Variants in ZBBX observed in about 807,000 individuals in gnomAD.
ZBBX encodes zinc finger B-box domain-containing protein 1.
Under a neutral mutation model 108.5 loss-of-function variants are expected in ZBBX, and 101 were observed. The ratio of observed to expected loss-of-function variants is 0.93; its 90% CI spans 0.79 to 1.10. ZBBX has a LOEUF of 1.10. ZBBX is among the 50% of genes least tolerant of loss of function. The pLI is 0.00. For missense variants in ZBBX, 1,009 were observed against 941.4 expected (o/e 1.07, Z -0.94); for synonymous variants, 356 against 323.4 (o/e 1.10, Z -1.08).
chr3:167,271,471 T>A (rs1726509166), intron 20 of ZBBX, among the ~76,000 whole-genome samples: 1 of 151,992 alleles, frequency 6.6e-6, no homozygotes, highest in Non-Finnish European at 1.5e-5. Context: ...AAAAGAAAAA[T>A]TAATAAAAAT....
intron 9 of ZBBX, among the ~76,000 whole-genome samples, chr3:167,342,218 T>C (rs1388386319): frequency 6.6e-6 from 1 of 151,798 alleles, no homozygotes; most frequent in Non-Finnish European, 1.5e-5. Flanking sequence ...CAAACTACTG[T>C]AAAAATTTGT....
At chr3:167,371,581 G>A (rs1746161557) in intron 4 of ZBBX, among the ~76,000 whole-genome samples, 1 of 152,124 alleles carries the variant, frequency 6.6e-6, no homozygotes, top group African/African-American at 2.4e-5. Flanking sequence ...CTAGCACAGT[G>A]TATAGAAAAT....
intron 18 of ZBBX, among the ~76,000 whole-genome samples, chr3:167,290,208 G>A (rs6444212): frequency 0.43 from 65,529 of 151,974 alleles, 14,368 homozygotes; most frequent in African/African-American, 0.5. Context: ...CCAGCACAGC[G>A]TCTGAGCTCT....
intron 18 of ZBBX, among the ~76,000 whole-genome samples, chr3:167,289,278 C>T (rs1042863542): frequency 6.6e-6 from 1 of 152,102 alleles, no homozygotes; most frequent in Non-Finnish European, 1.5e-5. Flanking sequence ...ACACCAAGAT[C>T]TAGCTTTCAA....
At chr3:167,356,089 C>G (rs1348639175) in intron 8 of ZBBX, among the ~76,000 whole-genome samples, 2 of 152,032 alleles carry the variant, frequency 1.3e-5, no homozygotes, top group Non-Finnish European at 2.9e-5. Context: ...GAGTAGGAGT[C>G]ACAAAAAATA....
At chr3:167,370,915 T>C (rs1321075142) in intron 4 of ZBBX, among the ~76,000 whole-genome samples, 1 of 152,138 alleles carries the variant, frequency 6.6e-6, no homozygotes, top group African/African-American at 2.4e-5. Context: ...ATATGAAAAT[T>C]AGAAAATAAT....
At chr3:167,219,181 C>A in the ZBBX span, among the ~76,000 whole-genome samples, 1 of 151,864 alleles carries the variant, frequency 6.6e-6, no homozygotes, top group Non-Finnish European at 1.5e-5. Context: ...TACAATAATA[C>A]CTGGAGACTT....
intron 19 of ZBBX, among the ~76,000 whole-genome samples, chr3:167,284,707 C>T (rs1224740232): frequency 3.9e-5 from 6 of 152,072 alleles, no homozygotes; most frequent in Non-Finnish European, 5.9e-5. Flanking sequence ...ATGCTTAGCA[C>T]ACAGCAAAGA....
chr3:167,333,345 A>G (rs973967759), intron 10 of ZBBX, among the ~76,000 whole-genome samples: 24 of 152,158 alleles, frequency 1.6e-4, no homozygotes, highest in African/African-American at 5.5e-4. Flanking sequence ...TGAGTTGATA[A>G]AAGCTTATCT....
chr3:167,309,348 C>T (rs983151837), intron 16 of ZBBX, among the ~76,000 whole-genome samples: 7 of 152,176 alleles, frequency 4.6e-5, no homozygotes, highest in African/African-American at 1.7e-4. Flanking sequence ...CTAGGCAGTG[C>T]CCCAGTGGTT....
At chr3:167,274,651 C>T (rs1052230426) in intron 20 of ZBBX, among the ~76,000 whole-genome samples, 2 of 152,192 alleles carry the variant, frequency 1.3e-5, no homozygotes, top group African/African-American at 4.8e-5. Context: ...CCCTTCCCGT[C>T]AGTTCTAATC....
the ZBBX span, among the ~76,000 whole-genome samples, chr3:167,228,314 T>C: frequency 2.0e-5 from 3 of 151,692 alleles, no homozygotes; most frequent in Non-Finnish European, 4.4e-5. Flanking sequence ...CAAGCTGAGT[T>C]TTTCCACCGC....
intron 1 of ZBBX, among the ~76,000 whole-genome samples, 198 bp from the exon 2 acceptor site, chr3:167,379,990 T>G (rs1336657347): frequency 6.6e-6 from 1 of 152,208 alleles, no homozygotes; most frequent in Admixed American, 6.5e-5. Flanking sequence ...GGGAAGTCTT[T>G]GGTGTATACC....
At chr3:167,227,011 A>G in the ZBBX span, among the ~76,000 whole-genome samples, 2 of 151,928 alleles carry the variant, frequency 1.3e-5, no homozygotes, top group Admixed American at 6.6e-5. Context: ...CTATCCACAA[A>G]TTGCAGGAAG....
chr3:167,245,185 G>A (rs990632127), intron 20 of ZBBX, among the ~76,000 whole-genome samples: 8 of 152,114 alleles, frequency 5.3e-5, no homozygotes, highest in Admixed American at 3.3e-4. Flanking sequence ...AGGCCGAGGC[G>A]GGCGGATCAC....
chr3:167,389,843 C>A (rs1323351033), intron 1 of ZBBX, among the ~76,000 whole-genome samples: 3 of 151,102 alleles, frequency 2.0e-5, no homozygotes, highest in African/African-American at 7.3e-5. Flanking sequence ...AATTTAAGTT[C>A]CTTGTAGATT....
At chr3:167,330,590 C>A (rs1421244763) in intron 10 of ZBBX, among the ~76,000 whole-genome samples, 1 of 151,676 alleles carries the variant, frequency 6.6e-6, no homozygotes, top group East Asian at 1.9e-4. Context: ...GGATTGGTAT[C>A]CTGTTAAGAA....
chr3:167,191,601 C>T, the ZBBX span, among the ~76,000 whole-genome samples: 7 of 152,070 alleles, frequency 4.6e-5, no homozygotes, highest in East Asian at 1.9e-4. Context: ...CCCCCATCCA[C>T]GTAAGATGTG....
At chr3:167,280,849 C>G (rs1452048003) in intron 20 of ZBBX, among the ~76,000 whole-genome samples, 2 of 152,196 alleles carry the variant, frequency 1.3e-5, no homozygotes, top group Admixed American at 1.3e-4. Context: ...GACTTGGAAC[C>G]AACCCAAATG....
Sources: allele counts gnomAD v4.1 joint callset (sites outside exome capture counted in the v4.1 genomes callset), GRCh38; gene constraint gnomAD v4.1.1; transcripts MANE v1.5; gene names NCBI Gene and HGNC (gene_info 2026-07-23, HGNC 2026-07-21).